CRTAM: variants seen among roughly 807,000 people sequenced by gnomAD.
CRTAM encodes the protein cytotoxic and regulatory T cell molecule.
CRTAM carries 44 observed loss-of-function variants against 50.0 expected under a neutral mutation model. That is an observed-to-expected ratio of 0.88 (90% CI 0.69 to 1.13). The LOEUF is 1.13. CRTAM is among the 50% of genes most tolerant of loss of function. CRTAM has a pLI of 0.00. For missense variants in CRTAM, 448 were observed against 457.5 expected, an observed-to-expected ratio of 0.98 and a Z score of 0.19; for synonymous variants, 159 against 169.3, an observed-to-expected ratio of 0.94 and a Z score of 0.47.
chr11:122,868,113 A>G lies in CRTAM; in HGVS notation c.1051+14A>G, dbSNP rs768514304. On this transcript the variant is annotated intron_variant, in intron 9 of 9. Transcript: ENST00000227348. ...AAAATGGCCAATGTAAGTCAACTGTATGACCTGAGATCTGAACAATGAGGT... is the reference window on the plus strand; with the variant it reads ...AAAATGGCCAATGTAAGTCAACTGTGTGACCTGAGATCTGAACAATGAGGT... 2.7e-6 allele frequency: 4 copies of G among 1,497,494 alleles called. No individual in the cohort carries two copies. Among genetic ancestry groups the G allele is most frequent in the Non-Finnish European group, 3.7e-6 (4 of 1,074,922 alleles). The allele number at this position is 1,497,494 out of a possible 1,614,324, so 92.8% of individuals were successfully genotyped here.
intron 3 of CRTAM, among the ~76,000 whole-genome samples, chr11:122,852,970 T>G (rs138539104): frequency 4.5e-4 from 68 of 152,126 alleles, no homozygotes; most frequent in Middle Eastern, 3.4e-3. Context: ...GAAGTGGAAG[T>G]AGAATGGGAA....
At chr11:122,869,115 T>C (rs536815471) in intron 9 of CRTAM, among the ~76,000 whole-genome samples, 1 of 152,318 alleles carries the variant, frequency 6.6e-6, no homozygotes, top group South Asian at 2.1e-4. Flanking sequence ...AGGAGTCTCA[T>C]CTGCAAAAAT....
chr11:122,857,696 T>G (rs1036276684), intron 5 of CRTAM, among the ~76,000 whole-genome samples: 1 of 152,184 alleles, frequency 6.6e-6, no homozygotes, highest in African/African-American at 2.4e-5. Flanking sequence ...TAGCTGAGGA[T>G]GCTTTAAAAC....
chr11:122,855,047 G>T (rs11823609), intron 4 of CRTAM, among the ~76,000 whole-genome samples: 73 of 151,996 alleles, frequency 4.8e-4, no homozygotes, highest in African/African-American at 1.7e-3. Flanking sequence ...GGGTTGAAAC[G>T]ATTCTTCTAC....
intron 1 of CRTAM, among the ~76,000 whole-genome samples, chr11:122,843,790 G>A (rs1216005534): frequency 6.6e-6 from 1 of 152,212 alleles, no homozygotes; most frequent in Non-Finnish European, 1.5e-5. Context: ...CTTGGAAAAT[G>A]TGCCACCAAA....
rs940296148 is a variant in CRTAM at position 122,862,720 on chromosome 11, C to G, written c.733+176C>G. Among the ~76,000 whole-genome samples the G allele has an allele frequency of 5.4e-4, 83 of 152,346 alleles. 1 individual carries two copies. Among genetic ancestry groups the G allele is most frequent in the African/African-American group, 1.8e-3 (75 of 41,588 alleles). On this transcript the variant is annotated intron_variant, in intron 6 of 9. Transcript: ENST00000227348. ...CCTAGAGAAGAACCACATCAGGCAT[C>G]GGAATACTTAGTGGGATGGGCTTCA... is the stretch of plus-strand genomic sequence containing the variant.
chr11:122,853,829 C>A, intron 3 of CRTAM, 114 bp from the exon 4 acceptor site: 1 of 905,670 alleles, frequency 1.1e-6, no homozygotes, highest in Non-Finnish European at 1.5e-6. Flanking sequence ...AAAAAGAAAG[C>A]CCATTAATTA....
At position 122,851,722 on chromosome 11, in the gene CRTAM, C is replaced by T; in HGVS notation, c.223C>T (p.His75Tyr). 6.2e-7 allele frequency: 1 copy of T among 1,614,170 alleles called. No homozygotes were observed. Among genetic ancestry groups the T allele is most frequent in the Non-Finnish European group, 8.5e-7 (1 of 1,180,012 alleles). Residue 75 changes from histidine to tyrosine, a missense_variant, in exon 3 of 10, where the codon CAT becomes TAT. His to Tyr is a moderately conservative substitution (Grantham distance 83). Transcript: ENST00000227348. ...AAAAAATTCCAAATACCAGCTTCTT[C>T]ATCACTCGGCCAATCAGCTCTCCAT... ...ALKNSKYQLL[H>Y]HSANQLSITV... is the part of the protein sequence containing the mutation.
At chr11:122,861,424 T>A (rs866240208) in intron 5 of CRTAM, among the ~76,000 whole-genome samples, 22 of 37,752 alleles carry the variant, frequency 5.8e-4, no homozygotes, top group South Asian at 1.2e-3. Flanking sequence ...ATATATATTT[T>A]TTTTTTTTTT....
chr11:122,858,109 C>T (rs967763796), intron 5 of CRTAM, among the ~76,000 whole-genome samples: 1 of 152,194 alleles, frequency 6.6e-6, no homozygotes, highest in Admixed American at 6.5e-5. Flanking sequence ...ACGGGGTCTC[C>T]CTATGTTGCT....
At position 122,872,017 on chromosome 11, in the gene CRTAM, C is replaced by A. The variant is rs1263045135; in HGVS notation, c.*618C>A. ...AGGCGTAGTGGTGCGCACCTGTAGTCTCAGATACTTGGGAGGCTGAGGGTG... is the reference window on the plus strand; with the variant it reads ...AGGCGTAGTGGTGCGCACCTGTAGTATCAGATACTTGGGAGGCTGAGGGTG... On this transcript the variant is annotated 3_prime_UTR_variant, in exon 10 of 10. Coordinates refer to ENST00000227348, the MANE Select transcript of CRTAM (RefSeq NM_019604.4). The A allele has an allele frequency of 6.6e-6, 1 of 152,210 alleles. No homozygotes were observed. The highest frequency in any genetic ancestry group is 1.5e-5 in the Non-Finnish European group (1 of 68,110). The allele number at this position is 152,210 out of a possible 1,614,324, so 9.4% of individuals were successfully genotyped here.
intron 1 of CRTAM, among the ~76,000 whole-genome samples, chr11:122,843,214 CT>C (rs1259104773): frequency 1.3e-5 from 2 of 152,138 alleles, no homozygotes; most frequent in African/African-American, 4.8e-5. Context: ...AAGCCATCCA[CT>C]GATAGGACAA....
chr11:122,861,284 A>C (rs1195721228), intron 5 of CRTAM, among the ~76,000 whole-genome samples: 1 of 150,034 alleles, frequency 6.7e-6, no homozygotes, highest in Non-Finnish European at 1.5e-5. Flanking sequence ...AAATTATTTG[A>C]TTAAATAAAC....
intron 6 of CRTAM, among the ~76,000 whole-genome samples, chr11:122,863,323 AAG>A (rs1339132523): frequency 3.1e-5 from 2 of 63,622 alleles, no homozygotes; most frequent in Admixed American, 1.2e-4. Flanking sequence ...AAGAAAGAAA[AAG>A]AAAGAAAGAA....
At chr11:122,840,541 C>T (rs1861786151) in intron 1 of CRTAM, among the ~76,000 whole-genome samples, 1 of 152,112 alleles carries the variant, frequency 6.6e-6, no homozygotes, top group African/African-American at 2.4e-5. Context: ...TATTTGAAAA[C>T]TCGTTCAAGG....
At chr11:122,841,337 A>G (rs967371546) in intron 1 of CRTAM, among the ~76,000 whole-genome samples, 4 of 152,096 alleles carry the variant, frequency 2.6e-5, no homozygotes, top group African/African-American at 7.2e-5. Context: ...ATTATTTGAT[A>G]TAACAGTTAA....
intron 1 of CRTAM, among the ~76,000 whole-genome samples, chr11:122,849,055 T>C (rs1367061700): frequency 6.6e-6 from 1 of 152,204 alleles, no homozygotes; most frequent in African/African-American, 2.4e-5. Flanking sequence ...AAAGCTCGGC[T>C]GTGGAATACT....
rs555816393 is a variant in CRTAM at position 122,864,521 on chromosome 11, T to C, written c.734-115T>C. On this transcript the variant is annotated intron_variant, in intron 6 of 9. Coordinates refer to ENST00000227348, the MANE Select transcript of CRTAM (RefSeq NM_019604.4). ...CATAGTTCACAAATGATCTCAGTAC[T>C]GTTTTTAAATTTGGCTTCCCAAGCT... 20 of 636,682 alleles carry C rather than the reference T, an allele frequency of 3.1e-5. No homozygotes were observed. In the East Asian group the frequency reaches 5.4e-4, roughly 17 times the overall value. The allele number at this position is 636,682 out of a possible 1,614,324, so 39.4% of individuals were successfully genotyped here. A position where few individuals can be genotyped will look rare whatever the true frequency, so the allele number is the denominator to read the frequency against.
rs141494048 is a variant in CRTAM at position 122,867,466 on chromosome 11, C to T, written c.875C>T (p.Thr292Met). ...AAGAAAAGTGGCATCCTGCTGCTCA[C>T]GCTGGTGTCCTTCCTCATTTTCATA... Reference protein sequence around the residue: ...ARKKSGILLLTLVSFLIFILF... With the variant: ...ARKKSGILLLMLVSFLIFILF... The change falls in exon 8 of 10, where the codon ACG becomes ATG. Residue 292 changes from threonine (T) to methionine (M), a missense_variant. Coordinates refer to ENST00000227348, the MANE Select transcript of CRTAM (RefSeq NM_019604.4). 457 of 1,613,978 alleles carry T rather than the reference C, an allele frequency of 2.8e-4. 1 individual carries two copies. In the South Asian group the frequency reaches 4.6e-3, roughly 16 times the overall value.
Sources: gnomAD v4.1 joint callset for allele counts (sites outside exome capture counted in the v4.1 genomes callset) on GRCh38, gnomAD v4.1.1 for gene constraint, MANE v1.5 for transcripts, NCBI Gene and HGNC (gene_info 2026-07-23, HGNC 2026-07-21) for gene names.